The following OSBPL5 variants were observed in gnomAD, a reference collection of about 807,000 sequenced individuals.
OSBPL5 encodes oxysterol-binding protein-related protein 5.
OSBPL5 carries 71 observed loss-of-function variants against 111.2 expected under a neutral mutation model. The observed-to-expected ratio is 0.64, with a 90% CI of 0.53 to 0.78. OSBPL5 has a LOEUF of 0.78. OSBPL5 is among the 30% of genes least tolerant of loss of function. The pLI is 0.00. For synonymous variants in OSBPL5, 549 were observed against 513.9 expected (o/e 1.07, Z -0.93); for missense variants, 1,210 against 1,189.3 (o/e 1.02, Z -0.26).
At chr11:3,125,068 A>C (rs1858565461) in intron 3 of OSBPL5, among the ~76,000 whole-genome samples, 1 of 152,166 alleles carries the variant, frequency 6.6e-6, no homozygotes. Flanking sequence ...TCCCTCCTGC[A>C]GGCCAGGTGG....
At chr11:3,094,635 G>A (rs1248774205) in intron 14 of OSBPL5, 6 of 364,642 alleles carry the variant, frequency 1.6e-5, no homozygotes, top group East Asian at 9.7e-5. Context: ...CTCTGTCCTC[G>A]CCAGGGCCTT....
At chr11:3,148,020 G>A (rs529974132) in intron 1 of OSBPL5, among the ~76,000 whole-genome samples, 11 of 152,250 alleles carry the variant, frequency 7.2e-5, no homozygotes, top group Admixed American at 3.9e-4. Flanking sequence ...GCACGCCCCC[G>A]GCACCCAGAC....
chr11:3,130,168 G>C lies in OSBPL5; in HGVS notation c.-21-999C>G, dbSNP rs10833314. Among the ~76,000 whole-genome samples, 76,317 of 152,182 alleles carry C rather than the reference G, an allele frequency of 0.5. 20,655 individuals are homozygous for C. Among genetic ancestry groups the C allele is most frequent in the Non-Finnish European group, 0.61 (41,251 of 67,984 alleles). ...CCATTTTACAGATGAGAAAATCATG[G>C]CTCAGGGAGTGGAAGGCCTCGACCT... On this transcript the variant is annotated intron_variant, in intron 1 of 21. Coordinates refer to ENST00000263650, the MANE Select transcript of OSBPL5 (RefSeq NM_020896.4). This position sits in a 1 kb window ranked among gnomAD's most constrained non-coding sequence, Gnocchi z 4.5.
At position 3,092,695 on chromosome 11, in the gene OSBPL5, G is replaced by A; in HGVS notation, c.2133-137C>T. 1 of 1,341,620 alleles carries A rather than the reference G, an allele frequency of 7.5e-7. No individual in the cohort carries two copies. The highest frequency in any genetic ancestry group is 1.0e-6 in the Non-Finnish European group (1 of 1,002,262). The allele number at this position is 1,341,620 out of a possible 1,614,324, so 83.1% of individuals were successfully genotyped here. On this transcript the variant is annotated intron_variant, in intron 18 of 21. Coordinates refer to ENST00000263650, the MANE Select transcript of OSBPL5 (RefSeq NM_020896.4). This position sits in a 1 kb window ranked among gnomAD's most constrained non-coding sequence, Gnocchi z 5.4. ...ACCACTGCCCACACCCCATGGGCAG[G>A]GCCTGCAGTAAGGACTGATGATGGG...
At position 3,110,296 on chromosome 11, in the gene OSBPL5, C is replaced by A. The variant is rs1244262740; in HGVS notation, c.692-2351G>T. Among the ~76,000 whole-genome samples, 1 of 152,234 alleles carries A rather than the reference C, an allele frequency of 6.6e-6. No homozygotes were observed. Among genetic ancestry groups the A allele is most frequent in the East Asian group, 1.9e-4 (1 of 5,198 alleles). ...GTGGAGCAACCGCATTTACCCAGAG[C>A]AGCCACTGGAGGGCGAGGTGGGGTA... On this transcript the variant is annotated intron_variant, in intron 7 of 21. Transcript: ENST00000263650. This position sits in a 1 kb window ranked among gnomAD's most constrained non-coding sequence, Gnocchi z 5.3.
chr11:3,142,794 C>G lies in OSBPL5; in HGVS notation c.-21-13625G>C, dbSNP rs1054875718. Among the ~76,000 whole-genome samples the G allele has an allele frequency of 6.6e-6, 1 of 152,076 alleles. No individual in the cohort carries two copies. The highest frequency in any genetic ancestry group is 2.4e-5 in the African/African-American group (1 of 41,482). ...AGGTCTCCCTTCACCTGGGGATCCCCGAGCCCCATGCAGCCTTGCGGGTAG... is the reference window on the plus strand; with the variant it reads ...AGGTCTCCCTTCACCTGGGGATCCCGGAGCCCCATGCAGCCTTGCGGGTAG... On this transcript the variant is annotated intron_variant, in intron 1 of 21. Transcript: ENST00000263650. The surrounding 1 kb of genome is among the most constrained non-coding windows in gnomAD (Gnocchi z 7.1).
Position 3,090,535 on chromosome 11 carries a change from GGGCT to G in OSBPL5, c.2398+19_2398+22del, listed in dbSNP as rs1182706987. The G allele has an allele frequency of 2.5e-6, 4 of 1,607,962 alleles. No homozygotes were observed. In the South Asian group the frequency reaches 4.4e-5, roughly 18 times the overall value. On this transcript the variant is annotated intron_variant, in intron 20 of 21. Coordinates refer to ENST00000263650, the MANE Select transcript of OSBPL5 (RefSeq NM_020896.4). Reference sequence around the variant, plus strand: ...GGCACCCCACCAGACAGAGGCCTTGGGGCTGGGCCCAAGGGGGCTCACCAGGGAC... The same window carrying G: ...GGCACCCCACCAGACAGAGGCCTTGGGGGCCCAAGGGGGCTCACCAGGGAC...
At chr11:3,088,367 TG>T (rs1856946437) in intron 21 of OSBPL5, 24 bp from the exon 22 acceptor site, 7 of 1,514,604 alleles carry the variant, frequency 4.6e-6, no homozygotes, top group Non-Finnish European at 5.3e-6. Context: ...CGACAGATCG[TG>T]GGGGCTGTGC....
intron 1 of OSBPL5, among the ~76,000 whole-genome samples, chr11:3,135,882 A>G (rs1344579506): frequency 5.9e-5 from 9 of 152,198 alleles, no homozygotes. Flanking sequence ...CGGAGGGGAC[A>G]GAGGCGAGGG....
chr11:3,133,543 C>T (rs546150589), intron 1 of OSBPL5, among the ~76,000 whole-genome samples: 74 of 151,064 alleles, frequency 4.9e-4, no homozygotes, highest in Non-Finnish European at 9.1e-4. Context: ...GGCGGTCGCT[C>T]TCAGCGGCCT....
In OSBPL5 at chr11:3,154,735, GAT is replaced by G. The variant is rs979965609; in HGVS notation, c.-22+10479_-22+10480del. The stretch of plus-strand genomic sequence containing the variant: ...AATGTGTCCCCTCAATCCATGTGTT[GAT>G]GTCTCAGCCCCTAGGACCTGAGAAA... On this transcript the variant is annotated intron_variant, in intron 1 of 21. Coordinates refer to ENST00000263650, the MANE Select transcript of OSBPL5 (RefSeq NM_020896.4). This position sits in a 1 kb window ranked among gnomAD's most constrained non-coding sequence, Gnocchi z 4.9. 6.6e-6 allele frequency among the ~76,000 whole-genome samples: 1 copy of G among 152,112 alleles called. No homozygotes were observed. Among genetic ancestry groups the G allele is most frequent in the Non-Finnish European group, 1.5e-5 (1 of 68,024 alleles).
rs764739705 is a variant in OSBPL5 at position 3,107,887 on chromosome 11, C to A, written c.750G>T (p.Leu250=). The change falls in exon 8 of 22, where the codon CTG becomes CTT. Residue 250 remains leucine, a synonymous_variant. Transcript: ENST00000263650. The surrounding 1 kb of genome is among the most constrained non-coding windows in gnomAD (Gnocchi z 6.1). ...CGTCTCGGCCCGGCTTGCAGGTGCC[C>A]AGTCTCAGTAGGCTAGAGCAGCGCA... ...LALRCSSLLR[L]GTCKPGRDGE... The A allele has an allele frequency of 6.2e-7, 1 of 1,606,104 alleles. No homozygotes were observed. The highest frequency in any genetic ancestry group is 1.1e-5 in the South Asian group (1 of 91,066).
chr11:3,145,336 C>T (rs1377306306), intron 1 of OSBPL5, among the ~76,000 whole-genome samples: 2 of 152,240 alleles, frequency 1.3e-5, no homozygotes, highest in Non-Finnish European at 2.9e-5. Flanking sequence ...CTCAGCAGGG[C>T]CCACAATTCT....
At chr11:3,160,677 C>T (rs1388726305) in intron 1 of OSBPL5, among the ~76,000 whole-genome samples, 1 of 143,428 alleles carries the variant, frequency 7.0e-6, no homozygotes, top group Non-Finnish European at 1.5e-5. Flanking sequence ...AACCCTCCCC[C>T]CCCCCACCCC....
Position 3,111,953 on chromosome 11 carries a change from CTGTG to C in OSBPL5, c.692-4012_692-4009del, listed in dbSNP as rs71464198. 6.6e-3 allele frequency among the ~76,000 whole-genome samples: 940 copies of C among 142,750 alleles called. 26 individuals carry two copies. The highest frequency in any genetic ancestry group is 0.015 in the East Asian group (76 of 4,924). 93.6% of individuals were successfully genotyped at this position (142,750 alleles called of 152,430 possible). ...GTTTAATGAAAAGCTAACATCCAAG[CTGTG>C]TGTGTGTGTGTGCATATGTGTGCGC... On this transcript the variant is annotated intron_variant, in intron 7 of 21. Transcript: ENST00000263650.
rs1395299689 is a variant in OSBPL5, at chr11:3,092,371, G to A, written c.2259+61C>T. The stretch of plus-strand genomic sequence containing the variant: ...GGGAGGAGTGAGGTGAGGAGCGAGG[G>A]GTGGTGGTGGCCACACGTGCAGCTA... On this transcript the variant is annotated intron_variant, in intron 19 of 21. Coordinates refer to ENST00000263650, the MANE Select transcript of OSBPL5 (RefSeq NM_020896.4). The surrounding 1 kb of genome is among the most constrained non-coding windows in gnomAD (Gnocchi z 5.4). 25 of 1,503,452 alleles carry A rather than the reference G, an allele frequency of 1.7e-5. No homozygotes were observed. The highest frequency in any genetic ancestry group is 2.2e-5 in the Non-Finnish European group (25 of 1,121,078). 93.1% of individuals were successfully genotyped at this position (1,503,452 alleles called of 1,614,324 possible). A position where few individuals can be genotyped will look rare whatever the true frequency, so the allele number is the denominator to read the frequency against.
intron 7 of OSBPL5, among the ~76,000 whole-genome samples, chr11:3,108,804 T>C (rs926949715): frequency 1.9e-4 from 29 of 152,200 alleles, no homozygotes; most frequent in African/African-American, 7.0e-4. Context: ...GTTTTGCTCT[T>C]GTTGCCCAGG....
intron 7 of OSBPL5, among the ~76,000 whole-genome samples, chr11:3,117,986 T>G (rs1442329539): frequency 6.6e-6 from 1 of 152,202 alleles, no homozygotes; most frequent in Non-Finnish European, 1.5e-5. Flanking sequence ...CCTCCTACTA[T>G]TTTCTCTTCA....
intron 14 of OSBPL5, 93 bp downstream of exon 14, chr11:3,100,065 G>A (rs1857399915): frequency 3.7e-6 from 3 of 805,034 alleles, no homozygotes; most frequent in Non-Finnish European, 5.9e-6. Flanking sequence ...GCGAAGTAAA[G>A]ATACCTTCAA....
Sources: allele counts gnomAD v4.1 joint callset (sites outside exome capture counted in the v4.1 genomes callset), GRCh38; gene constraint gnomAD v4.1.1; non-coding constraint Gnocchi (gnomAD v3.1); transcripts MANE v1.5; gene names NCBI Gene and HGNC (gene_info 2026-07-23, HGNC 2026-07-21).